The following CNBD2 variants were observed in gnomAD, a reference collection of about 807,000 sequenced individuals.
CNBD2 encodes cyclic nucleotide-binding domain-containing protein 2.
In CNBD2, 64 loss-of-function variants were observed where a neutral mutation model predicts 63.7. The ratio of observed to expected loss-of-function variants is 1.00; its 90% confidence interval spans 0.82 to 1.24. The LOEUF is 1.24. Among genes scored for constraint, CNBD2 ranks in the 50% most tolerant of loss-of-function variants. CNBD2 has a pLI of 0.00. For synonymous variants in CNBD2, 229 were observed against 255.4 expected (o/e 0.90, Z 0.99); for missense variants, 691 against 713.5 (o/e 0.97, Z 0.36).
downstream of CNBD2, among the ~76,000 whole-genome samples, chr20:35,959,634 G>A (rs545156126): frequency 6.6e-6 from 1 of 152,274 alleles, no homozygotes; most frequent in South Asian, 2.1e-4. Context: ...CCCACAACAC[G>A]TGGGAATTAT....
chr20:36,020,697 C>T (rs1157801606), intron 10 of CNBD2, among the ~76,000 whole-genome samples: 1 of 152,110 alleles, frequency 6.6e-6, no homozygotes, highest in Non-Finnish European at 1.5e-5. Context: ...TATATGTTTC[C>T]TCTCCAGAGT....
At chr20:35,992,369 G>A (rs2056758989) in intron 7 of CNBD2, among the ~76,000 whole-genome samples, 1 of 152,104 alleles carries the variant, frequency 6.6e-6, no homozygotes, top group Non-Finnish European at 1.5e-5. Flanking sequence ...AGACATGTAG[G>A]GTGCTTCCTG....
intron 11 of CNBD2, 91 bp from the exon 12 acceptor site, chr20:36,030,266 G>A (rs896744380): frequency 2.2e-5 from 27 of 1,246,572 alleles, no homozygotes; most frequent in African/African-American, 1.3e-4. Context: ...AGAATGAAGC[G>A]CCACATGCTT....
Position 36,001,606 on chromosome 20 carries a change from G to A in CNBD2, c.970+6454G>A, listed in dbSNP as rs552258741. The stretch of plus-strand genomic sequence containing the variant: ...GGGCTCCTCACTTCTCAGACGGGGC[G>A]GCTGCCAGGCGGAGGGGCTCCTCAC... On this transcript the variant is annotated intron_variant, in intron 8 of 11. Transcript: ENST00000373973. 8.5e-3 allele frequency among the ~76,000 whole-genome samples: 1,289 copies of A among 150,852 alleles called. 19 individuals are homozygous for A. The highest frequency in any genetic ancestry group is 0.029 in the African/African-American group (1,193 of 40,924).
At chr20:36,023,534 A>G in intron 10 of CNBD2, 68 bp from the exon 11 acceptor site, 1 of 1,350,174 alleles carries the variant, frequency 7.4e-7, no homozygotes, top group Non-Finnish European at 9.9e-7. Context: ...AAAAGAAAAA[A>G]AAGAATGAAA....
chr20:35,983,562 T>C (rs6060741), intron 4 of CNBD2, among the ~76,000 whole-genome samples: 28,335 of 152,092 alleles, frequency 0.19, 2,860 homozygotes, highest in South Asian at 0.41. Flanking sequence ...GGGATATCCA[T>C]TGCTCAGTGT....
chr20:35,954,864 G>A lies in CNBD2; in HGVS notation c.*81G>A, dbSNP rs1341608087. 3 of 304,730 alleles carry A rather than the reference G, an allele frequency of 9.8e-6. No individual in the cohort carries two copies. The East Asian group carries it at 3.5e-4, about 35-fold the overall frequency. The allele number at this position is 304,730 out of a possible 1,614,324, so 18.9% of individuals were successfully genotyped here. ...ACGGCTGGCCGGGGCTCGTTCGAGT[G>A]GCGCCCGGCCGGTGGTGACCCGAAC... is the stretch of plus-strand genomic sequence containing the variant. On this transcript the variant is annotated 3_prime_UTR_variant, in exon 1 of 1. Coordinates refer to the CNBD2 transcript ENST00000614708.
intron 7 of CNBD2, 29 bp downstream of exon 7, chr20:35,987,562 T>G: frequency 6.2e-7 from 1 of 1,613,116 alleles, no homozygotes; most frequent in Non-Finnish European, 8.5e-7. Context: ...GGGATGAGGG[T>G]GAACCTCTGA....
rs947359 is a variant in CNBD2, at chr20:35,982,397, C to T, written c.408-1585C>T. Among the ~76,000 whole-genome samples, 248 of 152,270 alleles carry T rather than the reference C, an allele frequency of 1.6e-3. 1 individual carries two copies. The highest frequency in any genetic ancestry group is 5.7e-3 in the African/African-American group (238 of 41,556). ...CTCTCCCACCACTCCCCTGACTTGCCTTCTCCCATTTTCCTTTCCCGTGAA... is the reference window on the plus strand; with the variant it reads ...CTCTCCCACCACTCCCCTGACTTGCTTTCTCCCATTTTCCTTTCCCGTGAA... On this transcript the variant is annotated intron_variant, in intron 4 of 11. Transcript: ENST00000373973.
intron 8 of CNBD2, among the ~76,000 whole-genome samples, chr20:36,004,686 C>T (rs2056960848): frequency 6.6e-6 from 1 of 152,020 alleles, no homozygotes; most frequent in South Asian, 2.1e-4. Context: ...CTCGCCTCTC[C>T]TGAGTAGCTG....
chr20:35,965,537 A>T (rs2056339365), upstream of CNBD2, among the ~76,000 whole-genome samples: 1 of 152,168 alleles, frequency 6.6e-6, no homozygotes, highest in African/African-American at 2.4e-5. Flanking sequence ...CATTATGAAA[A>T]TGAGGCCCCA....
intron 10 of CNBD2, among the ~76,000 whole-genome samples, chr20:36,020,873 A>G (rs1320404108): frequency 6.6e-6 from 1 of 152,156 alleles, no homozygotes; most frequent in Non-Finnish European, 1.5e-5. Context: ...GCAGCTTCAG[A>G]GGAAAGGTGG....
chr20:36,023,475 T>C (rs140458394), intron 10 of CNBD2, 127 bp from the exon 11 acceptor site: 5 of 793,328 alleles, frequency 6.3e-6, no homozygotes, highest in Non-Finnish European at 9.5e-6. Flanking sequence ...TTTGGGCCAT[T>C]GCACTCCAGC....
Position 36,023,805 on chromosome 20 carries a change from G to C in CNBD2, c.1439+34G>C, listed in dbSNP as rs779676516. 2.6e-6 allele frequency: 4 copies of C among 1,518,628 alleles called. No homozygotes were observed. In the Admixed American group the frequency reaches 6.5e-5, roughly 25 times the overall value. The allele number at this position is 1,518,628 out of a possible 1,614,324, so 94.1% of individuals were successfully genotyped here. On this transcript the variant is annotated intron_variant, in intron 11 of 11. Coordinates refer to ENST00000373973, the MANE Select transcript of CNBD2 (RefSeq NM_001365709.1). ...TGGAAATGTGCGTAAGTCCCATCAG[G>C]TGAAATGAACAATTTTTCACCTGTT...
At chr20:35,991,807 G>A (rs1385219687) in intron 7 of CNBD2, among the ~76,000 whole-genome samples, 1 of 152,032 alleles carries the variant, frequency 6.6e-6, no homozygotes, top group South Asian at 2.1e-4. Context: ...CATTCCTCCC[G>A]CAATCCAGTG....
intron 10 of CNBD2, among the ~76,000 whole-genome samples, chr20:36,015,848 G>A (rs955244785): frequency 6.6e-6 from 1 of 152,218 alleles, no homozygotes; most frequent in African/African-American, 2.4e-5. Context: ...AGCAATTTAT[G>A]TAGATACTCT....
chr20:35,976,696 T>G (rs1159690382), intron 3 of CNBD2, among the ~76,000 whole-genome samples: 1 of 152,216 alleles, frequency 6.6e-6, no homozygotes, highest in Non-Finnish European at 1.5e-5. Context: ...GTTATCTTCT[T>G]GGCTTCTCTC....
chr20:35,989,903 A>AGGGGG (rs2056721459), intron 7 of CNBD2, among the ~76,000 whole-genome samples: 1 of 115,954 alleles, frequency 8.6e-6, no homozygotes, highest in Admixed American at 9.4e-5. Context: ...AGGGGAGGGG[A>AGGGGG]GGGGAGGGGG....
chr20:36,021,939 CT>C (rs11167284), intron 10 of CNBD2, among the ~76,000 whole-genome samples: 48,037 of 151,714 alleles, frequency 0.32, 10,430 homozygotes, highest in African/African-American at 0.62. Flanking sequence ...AAACAGAGGC[CT>C]GCAGGAAAGT....
Sources: allele counts gnomAD v4.1 joint callset (sites outside exome capture counted in the v4.1 genomes callset), GRCh38; gene constraint gnomAD v4.1.1; transcripts MANE v1.5; gene names NCBI Gene and HGNC (gene_info 2026-07-23, HGNC 2026-07-21).